The following PTPRK variants were observed in gnomAD, a reference collection of about 807,000 sequenced individuals.
PTPRK encodes the protein protein tyrosine phosphatase receptor type K, also known as receptor-type tyrosine-protein phosphatase kappa.
Under a neutral mutation model 178.0 loss-of-function variants are expected in PTPRK, and 75 were observed. The observed-to-expected ratio is 0.42, with a 90% confidence interval of 0.35 to 0.51. PTPRK has a LOEUF of 0.51. Ranked by LOEUF, PTPRK falls within the 20% of genes least tolerant of loss-of-function variation. PTPRK has a pLI of 0.02. For missense variants in PTPRK, 1,441 were observed against 1,797.8 expected (o/e 0.80, Z 3.59); for synonymous variants, 637 against 620.6 (o/e 1.03, Z -0.39).
chr6:128,054,310 T>G (rs1289793054), intron 13 of PTPRK, among the ~76,000 whole-genome samples: 1 of 152,226 alleles, frequency 6.6e-6, no homozygotes, highest in East Asian at 1.9e-4. Flanking sequence ...TGTTACTTCC[T>G]CCATAAAATT....
intron 1 of PTPRK, among the ~76,000 whole-genome samples, chr6:128,463,752 T>TG: frequency 7.2e-6 from 1 of 139,656 alleles, no homozygotes; most frequent in African/African-American, 2.7e-5. Flanking sequence ...TTTTTTTTTT[T>TG]TTTTTTTTTT....
intron 6 of PTPRK, among the ~76,000 whole-genome samples, chr6:128,204,422 T>C (rs1562785954): frequency 1.3e-5 from 2 of 151,940 alleles, no homozygotes; most frequent in Non-Finnish European, 2.9e-5. Context: ...AATTGACAAA[T>C]GGGATCTAAC....
chr6:128,272,868 C>G (rs928880899), intron 3 of PTPRK, among the ~76,000 whole-genome samples: 1 of 152,084 alleles, frequency 6.6e-6, no homozygotes, highest in Non-Finnish European at 1.5e-5. Context: ...AGCATATACC[C>G]GAAGGATTAT....
intron 3 of PTPRK, among the ~76,000 whole-genome samples, chr6:128,319,833 T>G (rs1828539969): frequency 6.6e-6 from 1 of 152,176 alleles, no homozygotes; most frequent in South Asian, 2.1e-4. Context: ...TAATCACAAA[T>G]GTACAGGTAC....
chr6:128,243,463 A>G (rs9385454), intron 3 of PTPRK, among the ~76,000 whole-genome samples: 10,940 of 137,310 alleles, frequency 0.08, 1,096 homozygotes, highest in East Asian at 0.32. Flanking sequence ...AGACCAGCCT[A>G]GGGAACACAG....
intron 6 of PTPRK, among the ~76,000 whole-genome samples, chr6:128,212,041 C>G (rs889238604): frequency 2.6e-5 from 4 of 151,884 alleles, no homozygotes; most frequent in Non-Finnish European, 5.9e-5. Context: ...TAAGGGGTTT[C>G]AATGAAATAG....
chr6:128,225,720 T>G (rs1811182215), intron 5 of PTPRK, among the ~76,000 whole-genome samples: 1 of 152,164 alleles, frequency 6.6e-6, no homozygotes. Flanking sequence ...GCACTGTTTC[T>G]TATTTATGGC....
chr6:128,246,192 C>T (rs4140542), intron 3 of PTPRK, among the ~76,000 whole-genome samples: 12,405 of 152,082 alleles, frequency 0.082, 1,217 homozygotes, highest in East Asian at 0.3. Flanking sequence ...AAAACAATGA[C>T]ATTCTAATGA....
chr6:128,292,195 A>T (rs1823494305), intron 3 of PTPRK, among the ~76,000 whole-genome samples: 1 of 152,122 alleles, frequency 6.6e-6, no homozygotes, highest in African/African-American at 2.4e-5. Context: ...CTCATAGAAA[A>T]ATAAAACAAA....
intron 1 of PTPRK, among the ~76,000 whole-genome samples, chr6:128,482,476 A>G (rs1047656129): frequency 2.6e-5 from 4 of 152,122 alleles, no homozygotes; most frequent in African/African-American, 9.7e-5. Flanking sequence ...AGAAACAGAG[A>G]CCTGTTTAAA....
intron 3 of PTPRK, among the ~76,000 whole-genome samples, chr6:128,267,489 T>C (rs1450392354): frequency 6.6e-6 from 1 of 152,120 alleles, no homozygotes; most frequent in Non-Finnish European, 1.5e-5. Flanking sequence ...TGGCAAGTGA[T>C]TCCACTGGGA....
chr6:128,257,693 G>A (rs535812335), intron 3 of PTPRK, among the ~76,000 whole-genome samples: 1 of 152,068 alleles, frequency 6.6e-6, no homozygotes, highest in Non-Finnish European at 1.5e-5. Flanking sequence ...TCTCAGAAAG[G>A]CTTCACTTAA....
intron 7 of PTPRK, among the ~76,000 whole-genome samples, chr6:128,173,623 T>C (rs1399265251): frequency 6.6e-6 from 1 of 151,984 alleles, no homozygotes; most frequent in African/African-American, 2.4e-5. Context: ...CTTTCCCCAA[T>C]GTTTGAGCCC....
At chr6:128,341,266 T>C in intron 2 of PTPRK, among the ~76,000 whole-genome samples, 1 of 152,240 alleles carries the variant, frequency 6.6e-6, no homozygotes, top group African/African-American at 2.4e-5. Context: ...TTATCTTAAG[T>C]ATATGTATAT....
intron 3 of PTPRK, among the ~76,000 whole-genome samples, chr6:128,296,617 C>T (rs1021739566): frequency 3.4e-4 from 52 of 152,192 alleles, no homozygotes; most frequent in South Asian, 1.2e-3. Flanking sequence ...TCATATTCAG[C>T]CAAACTAAGC....
chr6:128,440,186 T>C (rs1846102390), intron 1 of PTPRK, among the ~76,000 whole-genome samples: 1 of 152,170 alleles, frequency 6.6e-6, no homozygotes, highest in African/African-American at 2.4e-5. Flanking sequence ...AATCCCCATA[T>C]TTACCCAGAG....
intron 1 of PTPRK, among the ~76,000 whole-genome samples, chr6:128,399,019 A>T (rs1375859849): frequency 6.6e-6 from 1 of 152,188 alleles, no homozygotes; most frequent in Non-Finnish European, 1.5e-5. Flanking sequence ...AAGAAAATGC[A>T]TTAGAACTAA....
chr6:128,510,873 T>C (rs567703511), intron 1 of PTPRK, among the ~76,000 whole-genome samples: 4 of 151,876 alleles, frequency 2.6e-5, no homozygotes, highest in African/African-American at 4.8e-5. Flanking sequence ...ATATATATAG[T>C]ATACATTAAT....
chr6:128,293,183 T>C (rs913521700), intron 3 of PTPRK, among the ~76,000 whole-genome samples: 2 of 152,146 alleles, frequency 1.3e-5, no homozygotes, highest in African/African-American at 4.8e-5. Flanking sequence ...GTTCACTTTA[T>C]GCTGCTATAA....
Sources: allele counts gnomAD v4.1 joint callset (sites outside exome capture counted in the v4.1 genomes callset), GRCh38; gene constraint gnomAD v4.1.1; transcripts MANE v1.5; gene names NCBI Gene and HGNC (gene_info 2026-07-23, HGNC 2026-07-21).